Variants in FGF18 observed in about 807,000 individuals in gnomAD.
FGF18 encodes fibroblast growth factor 18.
In FGF18, 5 loss-of-function variants were observed where a neutral mutation model predicts 23.0. The observed-to-expected ratio is 0.22, with a 90% CI of 0.11 to 0.46. The LOEUF (loss-of-function observed/expected upper bound fraction) is 0.46, where lower values mean the gene tolerates loss of function less well. Ranked by LOEUF, FGF18 falls within the 20% of genes least tolerant of loss-of-function variation. The probability of loss-of-function intolerance (pLI) is 0.99; values close to 1 mark genes in which losing one functional copy is unlikely to be tolerated. For missense variants in FGF18, 180 were observed against 291.6 expected (o/e 0.62, Z 2.79); for synonymous variants, 117 against 118.9 (o/e 0.98, Z 0.10).
At chr5:171,443,741 T>A (rs1012679041) in intron 3 of FGF18, among the ~76,000 whole-genome samples, 4 of 151,592 alleles carry the variant, frequency 2.6e-5, no homozygotes, top group African/African-American at 7.3e-5. Flanking sequence ...TGTCTCCAGC[T>A]CCCTTCCTGC....
chr5:171,426,632 C>T (rs973704860), intron 2 of FGF18, among the ~76,000 whole-genome samples: 1 of 152,236 alleles, frequency 6.6e-6, no homozygotes, highest in African/African-American at 2.4e-5. Flanking sequence ...GGGCCAAAGA[C>T]AAGCCCCCTG....
In FGF18 at chr5:171,434,692, A is replaced by G. The variant is rs1486700630; in HGVS notation, c.70-1401A>G. Among the ~76,000 whole-genome samples the G allele has an allele frequency of 6.6e-6, 1 of 151,942 alleles. No individual in the cohort carries two copies. Among genetic ancestry groups the G allele is most frequent in the African/African-American group, 2.4e-5 (1 of 41,340 alleles). On this transcript the variant is annotated intron_variant, in intron 2 of 4. Coordinates refer to ENST00000274625, the MANE Select transcript of FGF18 (RefSeq NM_003862.3). This position sits in a 1 kb window ranked among gnomAD's most constrained non-coding sequence, Gnocchi z 4.6. The stretch of plus-strand genomic sequence containing the variant: ...CTCCAATGGTAAATGGCACAGCAGG[A>G]CTCCAGGTCTTTTCAACATTTGTTT...
chr5:171,444,870 C>T (rs541653192), intron 3 of FGF18, among the ~76,000 whole-genome samples: 2 of 152,150 alleles, frequency 1.3e-5, no homozygotes, highest in Non-Finnish European at 2.9e-5. Flanking sequence ...CTGAGCCGGG[C>T]GTGGGATAGG....
Position 171,457,573 on chromosome 5 carries a change from C to A in FGF18, c.*768C>A, listed in dbSNP as rs907178377. Reference sequence around the variant, plus strand: ...CTCTGTATATTGCAGTTTCATGAACCAAGTATTACTGCCTCAACAATTAAA... The same window carrying A: ...CTCTGTATATTGCAGTTTCATGAACAAAGTATTACTGCCTCAACAATTAAA... On this transcript the variant is annotated 3_prime_UTR_variant, in exon 5 of 5. Transcript: ENST00000274625. The A allele has an allele frequency of 6.6e-6, 1 of 151,794 alleles. No individual in the cohort carries two copies. The highest frequency in any genetic ancestry group is 2.4e-5 in the African/African-American group (1 of 41,280). The allele number at this position is 151,794 out of a possible 1,614,324, so 9.4% of individuals were successfully genotyped here. A position where few individuals can be genotyped will look rare whatever the true frequency, so the allele number is the denominator to read the frequency against.
chr5:171,426,636 C>T (rs771767677), intron 2 of FGF18, among the ~76,000 whole-genome samples: 18 of 152,236 alleles, frequency 1.2e-4, no homozygotes, highest in Non-Finnish European at 2.5e-4. Flanking sequence ...CAAAGACAAG[C>T]CCCCTGTGGG....
intron 2 of FGF18, among the ~76,000 whole-genome samples, chr5:171,427,082 C>T (rs1221917490): frequency 1.6e-4 from 24 of 152,016 alleles, no homozygotes; most frequent in Admixed American, 1.6e-3. Context: ...TAGTGGGTGC[C>T]TGTGATCCCA....
chr5:171,426,055 G>A (rs1333084195), intron 2 of FGF18, among the ~76,000 whole-genome samples: 1 of 152,184 alleles, frequency 6.6e-6, no homozygotes, highest in Non-Finnish European at 1.5e-5. Flanking sequence ...TCTCTTTGCT[G>A]TGTGACCTCG....
chr5:171,457,097 C>A lies in FGF18; in HGVS notation c.*292C>A. On this transcript the variant is annotated 3_prime_UTR_variant, in exon 5 of 5. Coordinates refer to ENST00000274625, the MANE Select transcript of FGF18 (RefSeq NM_003862.3). ...CTCTAAACTCGTCCCCAGAGGAGGA[C>A]TTGAATGAGGAAACCAACACTTTGA... 2 of 251,648 alleles carry A rather than the reference C, an allele frequency of 7.9e-6. No homozygotes were observed. Among genetic ancestry groups the A allele is most frequent in the Non-Finnish European group, 1.5e-5 (2 of 135,034 alleles). 15.6% of individuals were successfully genotyped at this position (251,648 alleles called of 1,614,324 possible).
intron 4 of FGF18, 114 bp downstream of exon 4, chr5:171,449,367 G>GTGTA (rs1772460776): frequency 2.3e-6 from 1 of 429,784 alleles, no homozygotes; most frequent in Non-Finnish European, 4.3e-6. Context: ...GGCCGTGTGT[G>GTGTA]TGTGTGTGTG....
intron 1 of FGF18, 25 bp from the exon 2 acceptor site, chr5:171,420,382 C>T (rs1424432798): frequency 1.2e-6 from 2 of 1,613,364 alleles, no homozygotes; most frequent in Non-Finnish European, 1.7e-6. Context: ...GTCCCACTGA[C>T]CGCTTCTCCA....
At position 171,454,056 on chromosome 5, in the gene FGF18, A is replaced by T. The variant is rs1334659698; in HGVS notation, c.358-2483A>T. ...CAGGCACTTGGGCTAATGCGGAGGCAGGCAGATATGGAATTTCTCTGTTGG... is the reference window on the plus strand; with the variant it reads ...CAGGCACTTGGGCTAATGCGGAGGCTGGCAGATATGGAATTTCTCTGTTGG... On this transcript the variant is annotated intron_variant, in intron 4 of 4. Coordinates refer to ENST00000274625, the MANE Select transcript of FGF18 (RefSeq NM_003862.3). 2.6e-5 allele frequency among the ~76,000 whole-genome samples: 4 copies of T among 152,252 alleles called. No homozygotes were observed. The East Asian group carries it at 7.8e-4, about 30-fold the overall frequency.
intron 3 of FGF18, among the ~76,000 whole-genome samples, chr5:171,439,101 C>T (rs1030928151): frequency 3.9e-5 from 6 of 152,334 alleles, no homozygotes; most frequent in Admixed American, 6.5e-5. Flanking sequence ...TCAGATTTGC[C>T]TCTGTAAAGG....
At chr5:171,424,088 T>G (rs1772058648) in intron 2 of FGF18, among the ~76,000 whole-genome samples, 1 of 152,096 alleles carries the variant, frequency 6.6e-6, no homozygotes, top group Non-Finnish European at 1.5e-5. Flanking sequence ...AGCAACATCA[T>G]CCATCCATCC....
At chr5:171,423,797 T>G (rs1435820694) in intron 2 of FGF18, among the ~76,000 whole-genome samples, 2 of 134,290 alleles carry the variant, frequency 1.5e-5, no homozygotes, top group Non-Finnish European at 3.3e-5. Context: ...TTTTTTTTTT[T>G]GTGCTCTGTC....
chr5:171,440,139 G>A lies in FGF18; in HGVS notation c.250+3866G>A, dbSNP rs114674246. Among the ~76,000 whole-genome samples, 92 of 152,252 alleles carry A rather than the reference G, an allele frequency of 6.0e-4. No homozygotes were observed. The highest frequency in any genetic ancestry group is 2.1e-3 in the African/African-American group (87 of 41,540). ...TTCCTCTTCTACAAACAGGGAAATT[G>A]AAATGAGAGAATCTTATGCCCAAAG... is the stretch of plus-strand genomic sequence containing the variant. On this transcript the variant is annotated intron_variant, in intron 3 of 4. Coordinates refer to ENST00000274625, the MANE Select transcript of FGF18 (RefSeq NM_003862.3). This position sits in a 1 kb window ranked among gnomAD's most constrained non-coding sequence, Gnocchi z 4.0.
chr5:171,430,765 G>T (rs1404994364), intron 2 of FGF18, among the ~76,000 whole-genome samples: 1 of 137,952 alleles, frequency 7.2e-6, no homozygotes, highest in Non-Finnish European at 1.5e-5. Flanking sequence ...TCCGTAGTCC[G>T]GCCTGGGCGA....
At chr5:171,432,352 G>A (rs1483713060) in intron 2 of FGF18, among the ~76,000 whole-genome samples, 1 of 146,792 alleles carries the variant, frequency 6.8e-6, no homozygotes, top group Non-Finnish European at 1.5e-5. Flanking sequence ...CCATGTCTGG[G>A]GGTCATTTTC....
chr5:171,420,517 C>A, intron 2 of FGF18, 74 bp downstream of exon 2: 2 of 1,421,656 alleles, frequency 1.4e-6, no homozygotes, highest in Non-Finnish European at 9.9e-7. Context: ...TCCCCGGCCG[C>A]GCCCCCTCCC....
chr5:171,441,263 A>G (rs1345738470), intron 3 of FGF18, among the ~76,000 whole-genome samples: 4 of 152,116 alleles, frequency 2.6e-5, no homozygotes, highest in African/African-American at 9.7e-5. Flanking sequence ...TTCCACACGC[A>G]TCCCAAAATG....
Sources: gnomAD v4.1 joint callset for allele counts (sites outside exome capture counted in the v4.1 genomes callset) on GRCh38, gnomAD v4.1.1 for gene constraint, Gnocchi (gnomAD v3.1) non-coding constraint, MANE v1.5 for transcripts, NCBI Gene and HGNC (gene_info 2026-07-23, HGNC 2026-07-21) for gene names.